Variants in ZNF385D observed in about 807,000 individuals in gnomAD.
ZNF385D encodes the protein zinc finger protein 385D.
Under a neutral mutation model 35.8 loss-of-function variants are expected in ZNF385D, and 15 were observed. The observed-to-expected ratio is 0.42, with a 90% CI of 0.28 to 0.64. The LOEUF (loss-of-function observed/expected upper bound fraction) is 0.64, where lower values mean the gene tolerates loss of function less well. Among genes scored for constraint, ZNF385D ranks in the 30% least tolerant of loss-of-function variants. The pLI, the probability that ZNF385D is intolerant of heterozygous loss-of-function variation, is 0.23. For synonymous variants in ZNF385D, 212 were observed against 186.8 expected, an observed-to-expected ratio of 1.13 and a Z score of -1.10; for missense variants, 474 against 494.6, an observed-to-expected ratio of 0.96 and a Z score of 0.39.
At chr3:22,039,787 G>A (rs1456403484) in intron 3 of ZNF385D, among the ~76,000 whole-genome samples, 2 of 152,092 alleles carry the variant, frequency 1.3e-5, no homozygotes, top group African/African-American at 4.8e-5. Flanking sequence ...CGTTTTAGGA[G>A]TTGAGTTTTT....
At chr3:22,247,616 T>C (rs1247741873) in intron 2 of ZNF385D, among the ~76,000 whole-genome samples, 1 of 45,792 alleles carries the variant, frequency 2.2e-5, no homozygotes, top group East Asian at 5.7e-4. Flanking sequence ...ATTTTACAAT[T>C]TTATTTATTT....
Position 21,732,032 on chromosome 3 carries a change from T to G in ZNF385D, c.22+18863A>C, listed in dbSNP as rs1224518011. Among the ~76,000 whole-genome samples the G allele has an allele frequency of 2.0e-3, 22 of 10,980 alleles. 8 individuals are homozygous for G. The highest frequency in any genetic ancestry group is 0.015 in the Admixed American group (8 of 548). The allele number at this position is 10,980 out of a possible 152,430, so 7.2% of individuals were successfully genotyped here. ...CAGGGTTTTTTTCTTTTTTCGGGGTTTTTTTTTTTTTTTTTTTTTTTTTTT... is the reference window on the plus strand; with the variant it reads ...CAGGGTTTTTTTCTTTTTTCGGGGTGTTTTTTTTTTTTTTTTTTTTTTTTT... On this transcript the variant is annotated intron_variant, in intron 1 of 7. Transcript: ENST00000281523.
chr3:21,570,479 T>G (rs887317987), intron 2 of ZNF385D, among the ~76,000 whole-genome samples: 3 of 152,214 alleles, frequency 2.0e-5, no homozygotes, highest in African/African-American at 7.2e-5. Flanking sequence ...TGTGTTCCTA[T>G]TATTACTGTG....
rs953483542 is a variant in ZNF385D at position 21,750,818 on chromosome 3, A to G, written c.22+77T>C. 6 of 1,592,150 alleles carry G rather than the reference A, an allele frequency of 3.8e-6. No individual in the cohort carries two copies. In the East Asian group the frequency reaches 6.7e-5, roughly 18 times the overall value. Reference sequence around the variant, plus strand: ...AATGTAACATATTCTTGCTGCTTAAAGAATTTTTTAAGGGCTTGTCTGCAC... The same window carrying G: ...AATGTAACATATTCTTGCTGCTTAAGGAATTTTTTAAGGGCTTGTCTGCAC... On this transcript the variant is annotated intron_variant, in intron 1 of 7. Transcript: ENST00000281523.
intron 2 of ZNF385D, among the ~76,000 whole-genome samples, chr3:22,189,022 T>G (rs1695838718): frequency 6.7e-6 from 1 of 149,432 alleles, no homozygotes; most frequent in Non-Finnish European, 1.5e-5. Flanking sequence ...CTCCTAGGCT[T>G]AGCAGAAAAA....
chr3:22,095,563 A>G (rs1701573292), intron 3 of ZNF385D, among the ~76,000 whole-genome samples: 1 of 152,060 alleles, frequency 6.6e-6, no homozygotes. Context: ...AAATTCCTGT[A>G]TAAAAATGCT....
At chr3:22,036,460 A>T (rs1291711441) in intron 3 of ZNF385D, among the ~76,000 whole-genome samples, 2 of 152,190 alleles carry the variant, frequency 1.3e-5, no homozygotes, top group African/African-American at 4.8e-5. Context: ...ACCTATCGAG[A>T]AATTCACAAA....
At chr3:22,354,130 T>C (rs984168553) in intron 2 of ZNF385D, among the ~76,000 whole-genome samples, 2 of 152,112 alleles carry the variant, frequency 1.3e-5, no homozygotes, top group Admixed American at 6.6e-5. Context: ...AAGAGAAACA[T>C]AGTTATACTG....
At chr3:21,527,432 C>G (rs1708292866) in intron 3 of ZNF385D, among the ~76,000 whole-genome samples, 1 of 152,074 alleles carries the variant, frequency 6.6e-6, no homozygotes, top group East Asian at 1.9e-4. Context: ...CAACATAATT[C>G]ATTTCACCTC....
chr3:21,726,608 G>C (rs771477083), intron 1 of ZNF385D, among the ~76,000 whole-genome samples: 3 of 151,964 alleles, frequency 2.0e-5, no homozygotes, highest in African/African-American at 7.2e-5. Flanking sequence ...CTAGGAATAC[G>C]ACTTACAAGG....
intron 3 of ZNF385D, among the ~76,000 whole-genome samples, chr3:21,978,973 G>C (rs1028538671): frequency 6.6e-6 from 1 of 152,012 alleles, no homozygotes; most frequent in African/African-American, 2.4e-5. Flanking sequence ...ATTTAAATTT[G>C]AAAGCTTATT....
At chr3:21,600,740 A>AG (rs1463710982) in intron 2 of ZNF385D, among the ~76,000 whole-genome samples, 3 of 152,186 alleles carry the variant, frequency 2.0e-5, no homozygotes, top group Non-Finnish European at 2.9e-5. Flanking sequence ...CAAAAAAATA[A>AG]GATAACAGTG....
At chr3:22,343,359 T>TC (rs1695509042) in intron 2 of ZNF385D, among the ~76,000 whole-genome samples, 1 of 152,216 alleles carries the variant, frequency 6.6e-6, no homozygotes, top group Non-Finnish European at 1.5e-5. Context: ...CACACATACT[T>TC]CCTCTTTATT....
At chr3:21,933,216 T>A (rs896417136) in intron 3 of ZNF385D, among the ~76,000 whole-genome samples, 6 of 152,254 alleles carry the variant, frequency 3.9e-5, no homozygotes, top group South Asian at 2.1e-4. Context: ...TATTTTATGT[T>A]GCTTTTTCTC....
At chr3:21,719,881 G>C (rs758274082) in intron 1 of ZNF385D, among the ~76,000 whole-genome samples, 1 of 152,172 alleles carries the variant, frequency 6.6e-6, no homozygotes, top group African/African-American at 2.4e-5. Context: ...AACCCAGATA[G>C]TACATCAGCC....
chr3:21,901,289 C>T (rs1232821385), intron 3 of ZNF385D, among the ~76,000 whole-genome samples: 1 of 152,108 alleles, frequency 6.6e-6, no homozygotes, highest in Non-Finnish European at 1.5e-5. Flanking sequence ...AATTTCCACC[C>T]ACGCCTCCCA....
chr3:22,033,663 A>G (rs1698143641), intron 3 of ZNF385D, among the ~76,000 whole-genome samples: 2 of 152,220 alleles, frequency 1.3e-5, no homozygotes, highest in South Asian at 2.1e-4. Context: ...CACCAAAGAA[A>G]TTAAGGTGAT....
At chr3:22,335,552 A>G (rs1695125260) in intron 2 of ZNF385D, among the ~76,000 whole-genome samples, 1 of 152,306 alleles carries the variant, frequency 6.6e-6, no homozygotes, top group African/African-American at 2.4e-5. Flanking sequence ...ATCCTATTGA[A>G]TACCCTCTTA....
At chr3:21,647,635 G>C (rs1164923314) in intron 2 of ZNF385D, among the ~76,000 whole-genome samples, 3 of 152,050 alleles carry the variant, frequency 2.0e-5, no homozygotes, top group African/African-American at 4.8e-5. Flanking sequence ...CTGTAAGTCT[G>C]TTTATTTTAC....
Sources: allele counts gnomAD v4.1 joint callset (sites outside exome capture counted in the v4.1 genomes callset), GRCh38; gene constraint gnomAD v4.1.1; transcripts MANE v1.5; gene names NCBI Gene and HGNC (gene_info 2026-07-23, HGNC 2026-07-21).